KCNQ3: variants seen among roughly 807,000 people sequenced by gnomAD.
KCNQ3 encodes the protein potassium voltage-gated channel subfamily KQT member 3.
KCNQ3 carries 30 observed loss-of-function variants against 92.5 expected under a neutral mutation model. That is an observed-to-expected ratio of 0.32 (90% CI 0.24 to 0.44). KCNQ3 has a LOEUF of 0.44. Among genes scored for constraint, KCNQ3 ranks in the 20% least tolerant of loss-of-function variants. The pLI is 1.00. For missense variants in KCNQ3, 913 were observed against 1,140.3 expected (o/e 0.80, Z 2.87); for synonymous variants, 450 against 468.8 (o/e 0.96, Z 0.52).
At chr8:132,301,147 A>G (rs988294409) in intron 1 of KCNQ3, among the ~76,000 whole-genome samples, 2 of 152,126 alleles carry the variant, frequency 1.3e-5, no homozygotes, top group Admixed American at 6.5e-5. Context: ...GTTCTGTGGC[A>G]GGTAAACACA....
intron 1 of KCNQ3, among the ~76,000 whole-genome samples, chr8:132,197,492 A>T (rs369143259): frequency 4.8e-4 from 73 of 152,328 alleles, no homozygotes; most frequent in African/African-American, 1.7e-3. Context: ...CAGGCTAGAG[A>T]CAAGCCATTA....
intron 1 of KCNQ3, among the ~76,000 whole-genome samples, chr8:132,220,622 G>C (rs1342428911): frequency 1.3e-5 from 2 of 152,096 alleles, no homozygotes; most frequent in Non-Finnish European, 2.9e-5. Context: ...GGTGATGGAT[G>C]CCTGTAATTC....
intron 1 of KCNQ3, among the ~76,000 whole-genome samples, chr8:132,343,418 C>T (rs1250119943): frequency 6.6e-6 from 1 of 152,120 alleles, no homozygotes; most frequent in Non-Finnish European, 1.5e-5. Context: ...TTTCTGTGTC[C>T]CAAGCACCAA....
At chr8:132,443,404 T>C (rs1396216486) in intron 1 of KCNQ3, among the ~76,000 whole-genome samples, 1 of 152,130 alleles carries the variant, frequency 6.6e-6, no homozygotes, top group Non-Finnish European at 1.5e-5. Context: ...TTTCTAGGGC[T>C]AAGAATAATT....
chr8:132,381,537 A>G (rs376531570), intron 1 of KCNQ3, among the ~76,000 whole-genome samples: 3 of 152,180 alleles, frequency 2.0e-5, no homozygotes, highest in African/African-American at 7.2e-5. Context: ...ACACAAGGAG[A>G]ACACTTTCCC....
intron 9 of KCNQ3, among the ~76,000 whole-genome samples, chr8:132,144,616 A>G (rs1825397889): frequency 1.3e-5 from 2 of 152,232 alleles, no homozygotes; most frequent in African/African-American, 2.4e-5. Flanking sequence ...AGGAAAATCA[A>G]GGTTGTTCTA....
At position 132,331,062 on chromosome 8, in the gene KCNQ3, T is replaced by A. The variant is rs1022142390; in HGVS notation, c.387-144881A>T. On this transcript the variant is annotated intron_variant, in intron 1 of 14. Transcript: ENST00000388996. ...AGTCCCCTTGGGTGGCTGGATGCTG[T>A]GCCCAGCAGGGGAACAGGAGAAGCA... Among the ~76,000 whole-genome samples, 5 of 152,174 alleles carry A rather than the reference T, an allele frequency of 3.3e-5. 1 individual carries two copies. In the South Asian group the frequency reaches 1.0e-3, roughly 32 times the overall value.
At chr8:132,404,055 T>C (rs1820415047) in intron 1 of KCNQ3, among the ~76,000 whole-genome samples, 1 of 152,192 alleles carries the variant, frequency 6.6e-6, no homozygotes, top group South Asian at 2.1e-4. Context: ...AGCCCTTGCC[T>C]GGAATAACAT....
intron 1 of KCNQ3, among the ~76,000 whole-genome samples, chr8:132,207,285 A>G (rs1201384937): frequency 6.6e-6 from 1 of 152,110 alleles, no homozygotes; most frequent in Admixed American, 6.6e-5. Context: ...ATGAGGACCT[A>G]TTTTCATCCC....
At position 132,208,097 on chromosome 8, in the gene KCNQ3, T is replaced by C. The variant is rs527448442; in HGVS notation, c.387-21916A>G. Among the ~76,000 whole-genome samples, 13 of 152,236 alleles carry C rather than the reference T, an allele frequency of 8.5e-5. No homozygotes were observed. The Middle Eastern group carries it at 0.017, about 199-fold the overall frequency. On this transcript the variant is annotated intron_variant, in intron 1 of 14. Coordinates refer to ENST00000388996, the MANE Select transcript of KCNQ3 (RefSeq NM_004519.4). ...CTCTAAATGCTCCTGGATTTTATAT[T>C]TACTTTCACAGTCCTTTGTTCAACA...
intron 12 of KCNQ3, 55 bp from the exon 13 acceptor site, chr8:132,134,443 G>T: frequency 8.4e-7 from 1 of 1,190,222 alleles, no homozygotes; most frequent in Non-Finnish European, 1.2e-6. Context: ...GTTTTGACAG[G>T]AAAACAAATC....
At chr8:132,198,045 C>CCT (rs1311382116) in intron 1 of KCNQ3, among the ~76,000 whole-genome samples, 74 of 152,278 alleles carry the variant, frequency 4.9e-4, no homozygotes, top group African/African-American at 1.8e-3. Context: ...TGTTTCCAGT[C>CCT]AATAGACTAC....
chr8:132,422,444 C>G (rs1820995560), intron 1 of KCNQ3, among the ~76,000 whole-genome samples: 1 of 152,130 alleles, frequency 6.6e-6, no homozygotes, highest in East Asian at 1.9e-4. Context: ...ATATTTAAAT[C>G]TAAACTCTCT....
intron 1 of KCNQ3, among the ~76,000 whole-genome samples, chr8:132,374,115 G>A (rs759100063): frequency 2.0e-5 from 3 of 152,068 alleles, no homozygotes; most frequent in African/African-American, 4.8e-5. Flanking sequence ...ACTTGTCACC[G>A]GAGAAAACTG....
rs544443762 is a variant in KCNQ3, at chr8:132,208,968, T to C, written c.387-22787A>G. On this transcript the variant is annotated intron_variant, in intron 1 of 14. Coordinates refer to ENST00000388996, the MANE Select transcript of KCNQ3 (RefSeq NM_004519.4). Reference sequence around the variant, plus strand: ...TCTGGGAGGGGGAAGCAGGGAGCATTTTGGCCTCTGGGCTATTGCAAAGGA... The same window carrying C: ...TCTGGGAGGGGGAAGCAGGGAGCATCTTGGCCTCTGGGCTATTGCAAAGGA... 3.3e-5 allele frequency among the ~76,000 whole-genome samples: 5 copies of C among 152,196 alleles called. No individual in the cohort carries two copies. The South Asian group carries it at 8.3e-4, about 25-fold the overall frequency.
At chr8:132,266,154 A>G (rs1288238612) in intron 1 of KCNQ3, among the ~76,000 whole-genome samples, 2 of 137,326 alleles carry the variant, frequency 1.5e-5, no homozygotes, top group Non-Finnish European at 3.2e-5. Flanking sequence ...ACCTCATTCA[A>G]TGCTGTCTCA....
At chr8:132,132,108 G>GA (rs914490398) in intron 14 of KCNQ3, 72 bp downstream of exon 14, 49 of 1,035,928 alleles carry the variant, frequency 4.7e-5, no homozygotes, top group Middle Eastern at 2.0e-4. Context: ...AAGAAAGAAA[G>GA]AAAAAAAAGA....
At chr8:132,435,358 C>A (rs1033208264) in intron 1 of KCNQ3, among the ~76,000 whole-genome samples, 4 of 152,160 alleles carry the variant, frequency 2.6e-5, no homozygotes, top group Admixed American at 1.3e-4. Flanking sequence ...TCAGAGCCAC[C>A]GTGCCAGCCG....
chr8:132,375,574 G>A (rs1200048763), intron 1 of KCNQ3, among the ~76,000 whole-genome samples: 1 of 152,108 alleles, frequency 6.6e-6, no homozygotes. Context: ...GAGGTCCTGG[G>A]GTATGGAGAA....
Sources: gnomAD v4.1 joint callset for allele counts (sites outside exome capture counted in the v4.1 genomes callset) on GRCh38, gnomAD v4.1.1 for gene constraint, MANE v1.5 for transcripts, NCBI Gene and HGNC (gene_info 2026-07-23, HGNC 2026-07-21) for gene names.